Variants in SLC30A7 observed in about 807,000 individuals in gnomAD.
The protein encoded by SLC30A7 is zinc transporter 7.
In SLC30A7, 35 loss-of-function variants were observed where a neutral mutation model predicts 46.0. The observed-to-expected ratio is 0.76, with a 90% CI of 0.58 to 1.01. SLC30A7 has a LOEUF of 1.01. Among genes scored for constraint, SLC30A7 ranks in the 50% least tolerant of loss-of-function variants. The probability of loss-of-function intolerance (pLI) is 0.00; values close to 1 mark genes in which losing one functional copy is unlikely to be tolerated. For synonymous variants in SLC30A7, 147 were observed against 157.8 expected (o/e 0.93, Z 0.51); for missense variants, 464 against 451.1 (o/e 1.03, Z -0.26).
intron 8 of SLC30A7, among the ~76,000 whole-genome samples, chr1:100,945,524 C>T (rs1327170312): frequency 6.6e-6 from 1 of 152,152 alleles, no homozygotes; most frequent in Non-Finnish European, 1.5e-5. Flanking sequence ...GTTTTCCCAG[C>T]ACCATTTATT....
the SLC30A7 span, among the ~76,000 whole-genome samples, chr1:100,991,781 C>T: frequency 0.013 from 1,076 of 84,406 alleles, 18 homozygotes; most frequent in African/African-American, 0.051. Context: ...AAAGCAAGAC[C>T]CCATCTCAAA....
chr1:100,911,483 T>G (rs972557546), intron 4 of SLC30A7, among the ~76,000 whole-genome samples: 4 of 152,180 alleles, frequency 2.6e-5, no homozygotes, highest in African/African-American at 7.2e-5. Context: ...ATTTGGCGTA[T>G]TTTTTAAAAA....
chr1:100,948,236 C>T (rs1275133839), intron 8 of SLC30A7, among the ~76,000 whole-genome samples: 1 of 151,952 alleles, frequency 6.6e-6, no homozygotes, highest in African/African-American at 2.4e-5. Context: ...TCTTGTAAGG[C>T]AGGCCCACAG....
intron 8 of SLC30A7, among the ~76,000 whole-genome samples, chr1:100,940,814 A>G (rs1188720468): frequency 6.6e-6 from 1 of 152,198 alleles, no homozygotes; most frequent in Non-Finnish European, 1.5e-5. Flanking sequence ...ACCTGTTATT[A>G]ATTGTTACAT....
At chr1:100,949,673 T>C (rs1558000097) in intron 8 of SLC30A7, among the ~76,000 whole-genome samples, 1 of 152,126 alleles carries the variant, frequency 6.6e-6, no homozygotes, top group Non-Finnish European at 1.5e-5. Flanking sequence ...CCCCTCCCAG[T>C]TTGAGCTTCC....
intron 8 of SLC30A7, among the ~76,000 whole-genome samples, chr1:100,947,670 T>C (rs1654720591): frequency 6.6e-6 from 1 of 152,216 alleles, no homozygotes; most frequent in Admixed American, 6.5e-5. Context: ...ATTATTATTG[T>C]GTTGGAGTCT....
Position 100,975,137 on chromosome 1 carries a change from C to A in SLC30A7, c.*280C>A, listed in dbSNP as rs1570604375. The A allele has an allele frequency of 3.3e-6, 1 of 301,826 alleles. No individual in the cohort carries two copies. The highest frequency in any genetic ancestry group is 2.2e-5 in the African/African-American group (1 of 46,368). 18.7% of individuals were successfully genotyped at this position (301,826 alleles called of 1,614,324 possible). On this transcript the variant is annotated 3_prime_UTR_variant, in exon 11 of 11. Coordinates refer to ENST00000357650, the MANE Select transcript of SLC30A7 (RefSeq NM_133496.5). ...TTTTAGCTTAGGATGTTAATTTGTC[C>A]TTTTGTCTTTCTTTTTTTGTTTTTG... is the stretch of plus-strand genomic sequence containing the variant.
the SLC30A7 span, chr1:100,995,399 AG>A: frequency 2.6e-6 from 1 of 380,716 alleles, no homozygotes. Flanking sequence ...AAAGAAGACA[AG>A]GGAAAGAATT....
At chr1:100,968,390 G>A (rs1655975520) in intron 10 of SLC30A7, among the ~76,000 whole-genome samples, 1 of 151,914 alleles carries the variant, frequency 6.6e-6, no homozygotes, top group African/African-American at 2.4e-5. Flanking sequence ...GAACCCAGGA[G>A]GCAGAGGTTG....
chr1:100,943,878 A>C (rs556154412), intron 8 of SLC30A7, among the ~76,000 whole-genome samples: 26 of 152,378 alleles, frequency 1.7e-4, no homozygotes, highest in Middle Eastern at 6.8e-3. Context: ...TTATAGCATA[A>C]ACTATATAAA....
rs914638836 is a variant in SLC30A7, at chr1:100,981,211, T to G, written c.*6354T>G. ...ACAGTTAGCCTCAATGAAGATTCTA[T>G]TTTGAACTAGACATCCTGTCAATAG... On this transcript the variant is annotated 3_prime_UTR_variant, in exon 11 of 11. Coordinates refer to ENST00000357650, the MANE Select transcript of SLC30A7 (RefSeq NM_133496.5). 2 of 152,142 alleles carry G rather than the reference T, an allele frequency of 1.3e-5. No homozygotes were observed. The highest frequency in any genetic ancestry group is 4.8e-5 in the African/African-American group (2 of 41,452). The allele number at this position is 152,142 out of a possible 1,614,324, so 9.4% of individuals were successfully genotyped here. A position where few individuals can be genotyped will look rare whatever the true frequency, so the allele number is the denominator to read the frequency against.
chr1:100,963,606 T>C (rs1211494421), intron 9 of SLC30A7, among the ~76,000 whole-genome samples: 2 of 152,172 alleles, frequency 1.3e-5, no homozygotes, highest in Non-Finnish European at 2.9e-5. Context: ...GGGTATTTTT[T>C]GTTTTTAAAG....
At chr1:100,983,991 A>AT (rs1381512580), downstream of SLC30A7, among the ~76,000 whole-genome samples, 2 of 152,230 alleles carry the variant, frequency 1.3e-5, no homozygotes, top group African/African-American at 4.8e-5. Context: ...CCCGTGAGCA[A>AT]TAATTTGTAC....
At chr1:100,925,530 G>A (rs1192180884) in intron 8 of SLC30A7, among the ~76,000 whole-genome samples, 1 of 152,128 alleles carries the variant, frequency 6.6e-6, no homozygotes, top group African/African-American at 2.4e-5. Context: ...TAGAAATGGA[G>A]AGACACAGAA....
In SLC30A7 at chr1:100,980,923, A is replaced by C. The variant is rs934537986; in HGVS notation, c.*6066A>C. ...CTAATGTATTGTCATCCAAAATGAA[A>C]GAGGTCTTTCTTGAAGGTGCTTTAA... is the stretch of plus-strand genomic sequence containing the variant. On this transcript the variant is annotated 3_prime_UTR_variant, in exon 11 of 11. Transcript: ENST00000357650. The C allele has an allele frequency of 2.0e-5, 3 of 152,234 alleles. No homozygotes were observed. Among genetic ancestry groups the C allele is most frequent in the Non-Finnish European group, 4.4e-5 (3 of 67,942 alleles). 9.4% of individuals were successfully genotyped at this position (152,234 alleles called of 1,614,324 possible).
chr1:100,966,220 G>A (rs1186367463), intron 10 of SLC30A7, among the ~76,000 whole-genome samples: 1 of 149,052 alleles, frequency 6.7e-6, no homozygotes, highest in Non-Finnish European at 1.5e-5. Flanking sequence ...GCAAGACCCT[G>A]TCTCAAAAAA....
chr1:100,993,064 ATACTC>A, the SLC30A7 span, among the ~76,000 whole-genome samples: 4 of 152,206 alleles, frequency 2.6e-5, no homozygotes, highest in Admixed American at 2.6e-4. Context: ...AATTTGGTCT[ATACTC>A]TAGCTTAATC....
intron 8 of SLC30A7, among the ~76,000 whole-genome samples, chr1:100,958,466 G>A (rs1465477189): frequency 3.3e-5 from 5 of 152,266 alleles, no homozygotes; most frequent in Admixed American, 6.5e-5. Flanking sequence ...GTGAGCCACC[G>A]CACCCGGCCA....
the SLC30A7 span, chr1:100,990,577 TGGTCGTC>T: frequency 1.2e-6 from 2 of 1,614,130 alleles, no homozygotes; most frequent in Non-Finnish European, 1.7e-6. Context: ...TGCAATTTTC[TGGTCGTC>T]GGCTCCAACC....
Sources: allele counts gnomAD v4.1 joint callset (sites outside exome capture counted in the v4.1 genomes callset), GRCh38; gene constraint gnomAD v4.1.1; transcripts MANE v1.5; gene names NCBI Gene and HGNC (gene_info 2026-07-23, HGNC 2026-07-21).